The following OSBPL6 variants were observed in gnomAD, a reference collection of about 807,000 sequenced individuals.
OSBPL6 encodes the protein oxysterol binding protein like 6.
A neutral mutation model predicts 125.8 loss-of-function variants in OSBPL6; 49 were observed. The ratio of observed to expected loss-of-function variants is 0.39; its 90% CI spans 0.31 to 0.49. The LOEUF is 0.49. Among genes scored for constraint, OSBPL6 ranks in the 20% least tolerant of loss-of-function variants. The probability of loss-of-function intolerance (pLI) is 0.88; values close to 1 mark genes in which losing one functional copy is unlikely to be tolerated. For missense variants in OSBPL6, 986 were observed against 1,135.4 expected (o/e 0.87, Z 1.89); for synonymous variants, 394 against 391.8 (o/e 1.01, Z -0.07).
intron 16 of OSBPL6, 157 bp from the exon 17 acceptor site, chr2:178,382,867 C>G: frequency 7.2e-7 from 1 of 1,392,390 alleles, no homozygotes; most frequent in Non-Finnish European, 9.5e-7. Flanking sequence ...CATTTATTAG[C>G]AACCTTGCAT....
chr2:178,352,548 A>G (rs1691367438), intron 12 of OSBPL6, among the ~76,000 whole-genome samples: 1 of 152,086 alleles, frequency 6.6e-6, no homozygotes, highest in South Asian at 2.1e-4. Context: ...GGCATCCACC[A>G]TTGCTGAGGC....
intron 2 of OSBPL6, among the ~76,000 whole-genome samples, chr2:178,290,558 T>TA (rs941961944): frequency 1.3e-5 from 2 of 151,718 alleles, no homozygotes; most frequent in African/African-American, 4.8e-5. Flanking sequence ...AATTTGCACA[T>TA]ACTGGACACA....
At chr2:178,266,352 C>T (rs760805896) in intron 1 of OSBPL6, among the ~76,000 whole-genome samples, 4 of 152,084 alleles carry the variant, frequency 2.6e-5, no homozygotes, top group African/African-American at 4.8e-5. Context: ...GTGATTGCAC[C>T]CAGGATGATA....
intron 1 of OSBPL6, among the ~76,000 whole-genome samples, chr2:178,283,812 G>A (rs1057422838): frequency 6.6e-6 from 1 of 152,140 alleles, no homozygotes; most frequent in Middle Eastern, 3.2e-3. Flanking sequence ...ATCACATGGT[G>A]ACAGAGGAAG....
chr2:178,318,442 A>G (rs959646694), intron 3 of OSBPL6, among the ~76,000 whole-genome samples: 23 of 152,224 alleles, frequency 1.5e-4, no homozygotes, highest in Admixed American at 4.6e-4. Context: ...GCACTTCTGC[A>G]TCTTTCAGTG....
chr2:178,257,059 T>C lies in OSBPL6; in HGVS notation c.-350-27868T>C, dbSNP rs531294116. Reference sequence around the variant, plus strand: ...AATCGAATATATGTGTGTCTTAGCATTGGAAGGCCAAATATCTAGCTTTCC... The same window carrying C: ...AATCGAATATATGTGTGTCTTAGCACTGGAAGGCCAAATATCTAGCTTTCC... On this transcript the variant is annotated intron_variant, in intron 1 of 24. Transcript: ENST00000190611. Among the ~76,000 whole-genome samples the C allele has an allele frequency of 9.2e-5, 14 of 152,352 alleles. No individual in the cohort carries two copies. In the East Asian group the frequency reaches 1.3e-3, roughly 15 times the overall value.
At chr2:178,221,646 C>CAAGT (rs1235223904) in intron 1 of OSBPL6, among the ~76,000 whole-genome samples, 2 of 152,178 alleles carry the variant, frequency 1.3e-5, no homozygotes, top group Non-Finnish European at 2.9e-5. Flanking sequence ...GTCTATCAGC[C>CAAGT]AAGTACAGTC....
At chr2:178,248,869 G>A (rs972085215) in intron 1 of OSBPL6, among the ~76,000 whole-genome samples, 2 of 152,004 alleles carry the variant, frequency 1.3e-5, no homozygotes, top group East Asian at 1.9e-4. Flanking sequence ...ATTAACTATT[G>A]TTAATTTTCT....
chr2:178,391,053 T>C lies in OSBPL6; in HGVS notation c.2302-20T>C, dbSNP rs1695361979. Reference sequence around the variant, plus strand: ...TTATTAAAGCCATCAAATGTCACAATTGGGGTTTGGTTTTTCCAGGTGAAT... The same window carrying C: ...TTATTAAAGCCATCAAATGTCACAACTGGGGTTTGGTTTTTCCAGGTGAAT... On this transcript the variant is annotated intron_variant, in intron 21 of 24. Transcript: ENST00000190611. The C allele has an allele frequency of 3.1e-6, 5 of 1,612,298 alleles. No homozygotes were observed. Among genetic ancestry groups the C allele is most frequent in the South Asian group, 1.1e-5 (1 of 90,648 alleles).
At chr2:178,344,432 C>T (rs1690512172) in intron 11 of OSBPL6, 1 of 1,420,650 alleles carries the variant, frequency 7.0e-7, no homozygotes, top group Admixed American at 1.7e-5. Flanking sequence ...ACTCCCCTGT[C>T]CTGATGGTGC....
intron 1 of OSBPL6, among the ~76,000 whole-genome samples, chr2:178,263,638 C>A (rs1282554499): frequency 1.3e-5 from 2 of 152,214 alleles, no homozygotes; most frequent in Non-Finnish European, 2.9e-5. Context: ...ACCCAGACAT[C>A]TGACTCTTGG....
At chr2:178,299,085 A>C (rs75880216) in intron 2 of OSBPL6, among the ~76,000 whole-genome samples, 3 of 152,102 alleles carry the variant, frequency 2.0e-5, no homozygotes, top group African/African-American at 7.2e-5. Flanking sequence ...TCCCAGTATT[A>C]TTTTTCTGTT....
intron 1 of OSBPL6, among the ~76,000 whole-genome samples, chr2:178,277,608 A>G (rs913426953): frequency 6.6e-6 from 1 of 152,262 alleles, no homozygotes; most frequent in Non-Finnish European, 1.5e-5. Context: ...TTATTAGGGT[A>G]TATAGTTTAT....
intron 12 of OSBPL6, among the ~76,000 whole-genome samples, chr2:178,354,132 A>G (rs1322579464): frequency 1.3e-5 from 2 of 152,376 alleles, no homozygotes; most frequent in Middle Eastern, 3.4e-3. Context: ...CTGCGAAAAC[A>G]TGCCAAATTG....
chr2:178,198,304 A>T (rs950914845), intron 1 of OSBPL6, among the ~76,000 whole-genome samples: 6 of 149,054 alleles, frequency 4.0e-5, no homozygotes, highest in Middle Eastern at 3.6e-3. Flanking sequence ...TGTAGTATCA[A>T]TTTTTTTTTT....
chr2:178,384,561 A>G (rs1694766548), intron 18 of OSBPL6, among the ~76,000 whole-genome samples: 1 of 152,210 alleles, frequency 6.6e-6, no homozygotes, highest in Non-Finnish European at 1.5e-5. Context: ...TGGGTCTCTG[A>G]TCAGCCTTTC....
intron 12 of OSBPL6, among the ~76,000 whole-genome samples, chr2:178,351,194 G>A (rs964646482): frequency 2.0e-4 from 31 of 152,142 alleles, no homozygotes; most frequent in African/African-American, 7.0e-4. Context: ...AAGGCAAGGT[G>A]GCCCACTCCT....
intron 9 of OSBPL6, among the ~76,000 whole-genome samples, chr2:178,336,911 C>T (rs1689737682): frequency 6.6e-6 from 1 of 152,150 alleles, no homozygotes; most frequent in Non-Finnish European, 1.5e-5. Flanking sequence ...CCTGACAACT[C>T]GGCAATAAAT....
intron 11 of OSBPL6, among the ~76,000 whole-genome samples, chr2:178,346,846 G>A (rs889564473): frequency 6.6e-6 from 1 of 151,920 alleles, no homozygotes; most frequent in African/African-American, 2.4e-5. Flanking sequence ...AATTAAAATG[G>A]CCCATTCCAC....
Sources: allele counts gnomAD v4.1 joint callset (sites outside exome capture counted in the v4.1 genomes callset), GRCh38; gene constraint gnomAD v4.1.1; transcripts MANE v1.5; gene names NCBI Gene and HGNC (gene_info 2026-07-23, HGNC 2026-07-21).